Variants in EYS observed in about 807,000 individuals in gnomAD.
EYS encodes protein eyes shut homolog.
A neutral mutation model predicts 282.1 loss-of-function variants in EYS; 250 were observed. The observed-to-expected ratio is 0.89, with a 90% CI of 0.80 to 0.98. The LOEUF (loss-of-function observed/expected upper bound fraction) is 0.98. Ranked by LOEUF, EYS falls within the 50% of genes least tolerant of loss-of-function variation. The pLI is 0.00. For synonymous variants in EYS, 1,355 were observed against 1,282.9 expected (o/e 1.06, Z -1.20); for missense variants, 4,016 against 3,709.0 (o/e 1.08, Z -2.15).
intron 15 of EYS, among the ~76,000 whole-genome samples, chr6:64,913,281 G>A (rs1017137414): frequency 2.4e-4 from 37 of 151,912 alleles, no homozygotes; most frequent in African/African-American, 8.7e-4. Context: ...TAGATTCAGG[G>A]CTTACATGTG....
chr6:65,591,974 A>G (rs933891322), intron 2 of EYS, among the ~76,000 whole-genome samples: 1 of 152,038 alleles, frequency 6.6e-6, no homozygotes, highest in African/African-American at 2.4e-5. Flanking sequence ...TGATGAGAAC[A>G]TAATAGATAC....
At chr6:65,240,812 G>C (rs554025751) in intron 12 of EYS, among the ~76,000 whole-genome samples, 16 of 152,242 alleles carry the variant, frequency 1.1e-4, no homozygotes, top group African/African-American at 3.8e-4. Context: ...TAATGGGTTT[G>C]GTGGTTTGAA....
chr6:64,287,333 T>C (rs1768537698), intron 30 of EYS, among the ~76,000 whole-genome samples: 1 of 152,178 alleles, frequency 6.6e-6, no homozygotes, highest in Non-Finnish European at 1.5e-5. Context: ...CATATAAAGT[T>C]TTTATAAAAT....
chr6:64,152,384 T>C (rs1774772754), intron 31 of EYS, among the ~76,000 whole-genome samples: 1 of 152,222 alleles, frequency 6.6e-6, no homozygotes, highest in Admixed American at 6.5e-5. Flanking sequence ...ATAGGTCACA[T>C]AGAAGAAATA....
intron 29 of EYS, among the ~76,000 whole-genome samples, chr6:64,376,742 A>G (rs1772572565): frequency 6.6e-6 from 1 of 152,220 alleles, no homozygotes; most frequent in Non-Finnish European, 1.5e-5. Flanking sequence ...ACAAAAGTAG[A>G]TTCGTCATTT....
intron 10 of EYS, among the ~76,000 whole-genome samples, chr6:65,339,908 A>T (rs934943090): frequency 6.6e-6 from 1 of 151,148 alleles, no homozygotes; most frequent in East Asian, 1.9e-4. Context: ...CAGATAATTT[A>T]CAACTGCAAA....
intron 12 of EYS, among the ~76,000 whole-genome samples, chr6:65,136,582 A>G (rs1347385609): frequency 6.6e-6 from 1 of 152,150 alleles, no homozygotes; most frequent in Non-Finnish European, 1.5e-5. Context: ...AACAAATTAC[A>G]AACTGAATTT....
intron 12 of EYS, among the ~76,000 whole-genome samples, chr6:65,176,022 C>T (rs1765214699): frequency 6.6e-6 from 1 of 151,284 alleles, no homozygotes; most frequent in East Asian, 2.0e-4. Flanking sequence ...GGAATAATTG[C>T]CACAATCAAG....
At chr6:64,786,968 C>T (rs139713992) in intron 22 of EYS, among the ~76,000 whole-genome samples, 1 of 152,294 alleles carries the variant, frequency 6.6e-6, no homozygotes, top group East Asian at 1.9e-4. Flanking sequence ...ACTTGTTAAC[C>T]ACCCTTAGCA....
intron 26 of EYS, among the ~76,000 whole-genome samples, chr6:64,497,763 T>C (rs1776934995): frequency 6.6e-6 from 1 of 152,116 alleles, no homozygotes; most frequent in Non-Finnish European, 1.5e-5. Flanking sequence ...AAAAGAGTGA[T>C]TAATGATGCT....
intron 29 of EYS, among the ~76,000 whole-genome samples, chr6:64,386,251 CT>C (rs1772904924): frequency 6.6e-6 from 1 of 152,166 alleles, no homozygotes; most frequent in African/African-American, 2.4e-5. Context: ...CTGTATTAGT[CT>C]GTTCTCACAT....
At chr6:64,681,463 C>T (rs531630869) in intron 22 of EYS, among the ~76,000 whole-genome samples, 116 of 152,218 alleles carry the variant, frequency 7.6e-4, no homozygotes, top group Non-Finnish European at 1.3e-3. Flanking sequence ...AAGGAAACAG[C>T]TGTTTGATGT....
rs558192429 is a variant in EYS at position 65,067,284 on chromosome 6, C to A, written c.2024-9557G>T. Among the ~76,000 whole-genome samples, 9 of 152,136 alleles carry A rather than the reference C, an allele frequency of 5.9e-5. 1 individual carries two copies. In the East Asian group the frequency reaches 1.7e-3, roughly 30 times the overall value. On this transcript the variant is annotated intron_variant, in intron 12 of 42. Coordinates refer to ENST00000503581, the MANE Select transcript of EYS (RefSeq NM_001142800.2). ...TGTCTACACCCAAGAACAGGATATTCTTTCTGAATAGCTGGACATAATTAA... is the reference window on the plus strand; with the variant it reads ...TGTCTACACCCAAGAACAGGATATTATTTCTGAATAGCTGGACATAATTAA...
intron 26 of EYS, among the ~76,000 whole-genome samples, chr6:64,467,208 T>C (rs1775947383): frequency 6.6e-6 from 1 of 152,196 alleles, no homozygotes; most frequent in African/African-American, 2.4e-5. Flanking sequence ...TCAGAGAATG[T>C]AATTACTCTG....
chr6:65,674,219 T>C (rs1393928626), intron 1 of EYS, among the ~76,000 whole-genome samples: 1 of 151,468 alleles, frequency 6.6e-6, no homozygotes, highest in African/African-American at 2.4e-5. Flanking sequence ...GGTAAAACTC[T>C]TGTTGGAAGA....
chr6:64,317,966 G>A (rs1582589373), intron 29 of EYS, among the ~76,000 whole-genome samples: 2 of 152,162 alleles, frequency 1.3e-5, no homozygotes, highest in East Asian at 3.9e-4. Flanking sequence ...CTCATAAGTG[G>A]GAGTTGAACA....
At chr6:65,667,136 A>G (rs1768228676) in intron 1 of EYS, among the ~76,000 whole-genome samples, 1 of 151,852 alleles carries the variant, frequency 6.6e-6, no homozygotes, top group Admixed American at 6.6e-5. Context: ...CTACTGCCCT[A>G]TCTCCTAATT....
chr6:65,613,134 T>G lies in EYS; in HGVS notation c.-333+26644A>C, dbSNP rs1207772595. ...CATTGCACAGATATACACGTCTGTC[T>G]TATAACTTTAATTTTCTTGTCTTTC... On this transcript the variant is annotated intron_variant, in intron 2 of 42. Transcript: ENST00000503581. Among the ~76,000 whole-genome samples, 3 of 151,878 alleles carry G rather than the reference T, an allele frequency of 2.0e-5. No individual in the cohort carries two copies. The South Asian group carries it at 6.2e-4, about 31-fold the overall frequency.
In EYS at chr6:63,773,471, A is replaced by T. The variant is rs560094232; in HGVS notation, c.7898+4535T>A. ...GAGAGGCGGTTTCTTGGAAGGCGGGATAGAGTAGTACAATTAATTTGATTG... is the reference window on the plus strand; with the variant it reads ...GAGAGGCGGTTTCTTGGAAGGCGGGTTAGAGTAGTACAATTAATTTGATTG... On this transcript the variant is annotated intron_variant, in intron 40 of 42. Transcript: ENST00000503581. Among the ~76,000 whole-genome samples the T allele has an allele frequency of 2.4e-4, 37 of 152,302 alleles. No homozygotes were observed. The South Asian group carries it at 6.8e-3, about 28-fold the overall frequency.
Sources: allele counts gnomAD v4.1 joint callset (sites outside exome capture counted in the v4.1 genomes callset), GRCh38; gene constraint gnomAD v4.1.1; transcripts MANE v1.5; gene names NCBI Gene and HGNC (gene_info 2026-07-23, HGNC 2026-07-21).